The following PAK3 variants were observed in gnomAD, a reference collection of about 807,000 sequenced individuals.
The protein encoded by PAK3 is p21 (RAC1) activated kinase 3, also known as serine/threonine-protein kinase PAK 3.
In PAK3, 4 loss-of-function variants were observed where a neutral mutation model predicts 41.0. The ratio of observed to expected loss-of-function variants is 0.10; its 90% confidence interval spans 0.05 to 0.22. The LOEUF is 0.22. PAK3 is among the 10% of genes least tolerant of loss of function. The pLI is 1.00. For synonymous variants in PAK3, 146 were observed against 139.6 expected (o/e 1.05, Z -0.32); for missense variants, 205 against 409.9 (o/e 0.50, Z 4.32).
At chrX:110,969,094 A>ATTTTTTTTTTTTTTT (rs60724970) in intron 1 of PAK3, among the ~76,000 whole-genome samples, 870 of 40,527 alleles carry the variant, frequency 0.021, 12 homozygotes, top group Middle Eastern at 0.071. Context: ...GACCTGCCTA[A>ATTTTTTTTTTTTTTT]TTTTTTTTTT....
intron 5 of PAK3, among the ~76,000 whole-genome samples, chrX:111,127,360 G>A (rs1170665500): frequency 1.8e-5 from 2 of 109,312 alleles, no homozygotes; most frequent in Non-Finnish European, 3.8e-5. Flanking sequence ...AGGATTTTTT[G>A]TTGTTTGTTT....
chrX:111,203,349 T>A, intron 16 of PAK3, among the ~76,000 whole-genome samples: 1 of 112,153 alleles, frequency 8.9e-6, no homozygotes, highest in Middle Eastern at 4.6e-3. Flanking sequence ...ATGACATTAG[T>A]TCAGCATATG....
At chrX:111,198,038 T>A (rs920943915) in intron 16 of PAK3, among the ~76,000 whole-genome samples, 7 of 111,927 alleles carry the variant, frequency 6.3e-5, no homozygotes, top group African/African-American at 2.3e-4. Context: ...TGGTGTAAGA[T>A]GGTATTCATT....
chrX:111,169,909 C>T (rs2094314057), intron 10 of PAK3, among the ~76,000 whole-genome samples: 1 of 111,237 alleles, frequency 9.0e-6, no homozygotes, highest in African/African-American at 3.3e-5. Context: ...CCTTGCATTG[C>T]CAAGGAGTTT....
At chrX:111,114,904 C>G (rs981548714) in intron 4 of PAK3, among the ~76,000 whole-genome samples, 1 of 112,219 alleles carries the variant, frequency 8.9e-6, no homozygotes, top group African/African-American at 3.2e-5. Context: ...GATTTACCCT[C>G]AGGCCTGCTG....
At chrX:111,048,323 C>A (rs1041996987) in intron 1 of PAK3, among the ~76,000 whole-genome samples, 1 of 111,004 alleles carries the variant, frequency 9.0e-6, no homozygotes, top group African/African-American at 3.3e-5. Flanking sequence ...TTTATCAGTA[C>A]TCTTATTTAA....
chrX:111,083,985 C>T (rs903003031), intron 1 of PAK3, among the ~76,000 whole-genome samples: 4 of 112,795 alleles, frequency 3.5e-5, no homozygotes, highest in African/African-American at 1.3e-4. Flanking sequence ...AGTTTATGGA[C>T]AGTCAACTCT....
intron 6 of PAK3, 114 bp from the exon 7 acceptor site, chrX:111,147,623 C>T (rs766686061): frequency 1.2e-5 from 7 of 567,753 alleles, no homozygotes; most frequent in Non-Finnish European, 2.2e-5. Context: ...CTTCAGTTTC[C>T]CAAGTGTAAT....
intron 8 of PAK3, among the ~76,000 whole-genome samples, chrX:111,155,523 A>G (rs956530980): frequency 6.3e-4 from 69 of 109,514 alleles, no homozygotes; most frequent in African/African-American, 2.2e-3. Context: ...AAACCCAACA[A>G]TATGGATAGT....
chrX:111,072,677 G>A (rs1458083455), intron 1 of PAK3, among the ~76,000 whole-genome samples: 2 of 112,276 alleles, frequency 1.8e-5, no homozygotes, highest in East Asian at 5.6e-4. Context: ...AAGGCAAAAG[G>A]CTTTATGCAG....
At chrX:111,054,187 G>T (rs1203246229) in intron 1 of PAK3, among the ~76,000 whole-genome samples, 2 of 112,151 alleles carry the variant, frequency 1.8e-5, no homozygotes, top group Non-Finnish European at 3.8e-5. Flanking sequence ...TGCTGGGTCT[G>T]CTGTGAGGCT....
chrX:111,118,258 C>G (rs951041998), intron 4 of PAK3, among the ~76,000 whole-genome samples: 2 of 111,182 alleles, frequency 1.8e-5, no homozygotes, highest in Non-Finnish European at 3.8e-5. Flanking sequence ...TTGTAAATAA[C>G]GCATCTAAGA....
chrX:111,055,740 A>G (rs1412229462), intron 1 of PAK3, among the ~76,000 whole-genome samples: 3 of 111,477 alleles, frequency 2.7e-5, no homozygotes, highest in Non-Finnish European at 5.7e-5. Flanking sequence ...GCCACTCCTC[A>G]TGGCCTGAAA....
At chrX:111,156,420 T>C (rs375285314) in intron 8 of PAK3, among the ~76,000 whole-genome samples, 1 of 111,891 alleles carries the variant, frequency 8.9e-6, no homozygotes, top group Non-Finnish European at 1.9e-5. Context: ...TTTCTATTGA[T>C]TGAATGAACT....
At chrX:111,049,044 C>T (rs975518267) in intron 1 of PAK3, among the ~76,000 whole-genome samples, 3 of 111,780 alleles carry the variant, frequency 2.7e-5, no homozygotes, top group Non-Finnish European at 5.6e-5. Context: ...CTCCCTCTTG[C>T]TCACTATGTT....
chrX:111,019,690 C>CA (rs147611129), intron 1 of PAK3, among the ~76,000 whole-genome samples: 2,141 of 53,457 alleles, frequency 0.04, 140 homozygotes, highest in Admixed American at 0.072. Context: ...ACCCTGCCTC[C>CA]AAAAAAAAAA....
chrX:111,089,887 G>C, intron 1 of PAK3, among the ~76,000 whole-genome samples: 1 of 110,849 alleles, frequency 9.0e-6, no homozygotes, highest in Middle Eastern at 4.7e-3. Flanking sequence ...TTCCCAACTA[G>C]ATTCCAAGTT....
At chrX:111,087,348 A>T (rs2092894749) in intron 1 of PAK3, among the ~76,000 whole-genome samples, 6 of 110,555 alleles carry the variant, frequency 5.4e-5, no homozygotes, top group Admixed American at 1.9e-4. Context: ...GCTGTTTCAA[A>T]TGTCCTTCCC....
intron 16 of PAK3, among the ~76,000 whole-genome samples, chrX:111,210,322 T>C (rs1416287039): frequency 9.0e-6 from 1 of 111,460 alleles, no homozygotes; most frequent in Non-Finnish European, 1.9e-5. Context: ...ACTTTTTTTC[T>C]TCCCTTTCTC....
Sources: gnomAD v4.1 joint callset for allele counts (sites outside exome capture counted in the v4.1 genomes callset) on GRCh38, gnomAD v4.1.1 for gene constraint, MANE v1.5 for transcripts, NCBI Gene and HGNC (gene_info 2026-07-23, HGNC 2026-07-21) for gene names.